ARCN1: variants seen among roughly 807,000 people sequenced by gnomAD.
ARCN1 encodes the protein coatomer subunit delta.
In ARCN1, 5 loss-of-function variants were observed where a neutral mutation model predicts 60.4. That is an observed-to-expected ratio of 0.08 (90% confidence interval 0.04 to 0.17). ARCN1 has a LOEUF of 0.17. Ranked by LOEUF, ARCN1 falls within the 10% of genes least tolerant of loss-of-function variation. ARCN1 has a pLI of 1.00. For synonymous variants in ARCN1, 224 were observed against 220.0 expected (o/e 1.02, Z -0.16); for missense variants, 464 against 626.5 (o/e 0.74, Z 2.77).
chr11:118,592,585 AAAAG>A, intron 6 of ARCN1, 120 bp from the exon 7 acceptor site: 1 of 648,836 alleles, frequency 1.5e-6, no homozygotes, highest in Non-Finnish European at 2.5e-6. Flanking sequence ...TTCAAAATGA[AAAAG>A]AATTGGAATT....
chr11:118,595,838 C>T (rs928187272), intron 8 of ARCN1, among the ~76,000 whole-genome samples: 6 of 152,156 alleles, frequency 3.9e-5, no homozygotes, highest in African/African-American at 9.7e-5. Flanking sequence ...GAGGCCGAGG[C>T]GGGCGGATCA....
intron 1 of ARCN1, among the ~76,000 whole-genome samples, chr11:118,580,190 G>A (rs550509533): frequency 2.0e-5 from 3 of 152,144 alleles, no homozygotes; most frequent in Non-Finnish European, 4.4e-5. Context: ...AGGCATGATG[G>A]CACCTGCCTA....
rs1938366592 is a variant in ARCN1, at chr11:118,572,496, C to T, written c.-52C>T. The stretch of plus-strand genomic sequence containing the variant: ...GGTGCTCCCGTTCCCCAGACCCTAC[C>T]CCTATCCCCAGTGGAGCCGGAGTGC... On this transcript the variant is annotated 5_prime_UTR_variant, in exon 1 of 10. Transcript: ENST00000264028. The T allele has an allele frequency of 2.5e-6, 4 of 1,607,584 alleles. No individual in the cohort carries two copies. Among genetic ancestry groups the T allele is most frequent in the African/African-American group, 1.3e-5 (1 of 74,736 alleles).
At position 118,597,813 on chromosome 11, in the gene ARCN1, A is replaced by G; in HGVS notation, c.1348A>G (p.Lys450Glu). The change falls in exon 9 of 10, where the codon AAG (lysine) becomes GAG (glutamate). Residue 450 changes from lysine (K) to glutamate (E), a missense_variant. Coordinates refer to ENST00000264028, the MANE Select transcript of ARCN1 (RefSeq NM_001655.5). ...CCTGCCTGTGATTGATGCCAAAAATAAGAGTGGCAGCCTGGAGTTTAGCAT... is the reference window on the plus strand; with the variant it reads ...CCTGCCTGTGATTGATGCCAAAAATGAGAGTGGCAGCCTGGAGTTTAGCAT... ...WCLPVIDAKN[K>E]SGSLEFSIAG... The G allele has an allele frequency of 6.2e-7, 1 of 1,614,206 alleles. No individual in the cohort carries two copies. Among genetic ancestry groups the G allele is most frequent in the Non-Finnish European group, 8.5e-7 (1 of 1,180,048 alleles).
chr11:118,574,936 T>C (rs1938452805), intron 1 of ARCN1, among the ~76,000 whole-genome samples: 1 of 152,110 alleles, frequency 6.6e-6, no homozygotes, highest in African/African-American at 2.4e-5. Flanking sequence ...TTGATCTTTT[T>C]TTTGTATTCT....
At position 118,600,588 on chromosome 11, in the gene ARCN1, C is replaced by T. The variant is rs372333128; in HGVS notation, c.1447-37C>T. 9 of 1,459,400 alleles carry T rather than the reference C, an allele frequency of 6.2e-6. No individual in the cohort carries two copies. The African/African-American group carries it at 1.3e-4, about 21-fold the overall frequency. 90.4% of individuals were successfully genotyped at this position (1,459,400 alleles called of 1,614,324 possible). ...GTAGTCAACATGATGGAGACTCAAACCTCCTGCTTTACCTTACTCTTTGTT... is the reference window on the plus strand; with the variant it reads ...GTAGTCAACATGATGGAGACTCAAATCTCCTGCTTTACCTTACTCTTTGTT... On this transcript the variant is annotated intron_variant, in intron 9 of 9. Coordinates refer to ENST00000264028, the MANE Select transcript of ARCN1 (RefSeq NM_001655.5).
chr11:118,572,483 C>T lies in ARCN1; in HGVS notation c.-65C>T, dbSNP rs1555072596. On this transcript the variant is annotated 5_prime_UTR_variant, in exon 1 of 10. Transcript: ENST00000264028. ...GTCCAGAGCTGCTGGTGCTCCCGTT[C>T]CCCAGACCCTACCCCTATCCCCAGT... 1 of 1,587,574 alleles carries T rather than the reference C, an allele frequency of 6.3e-7. No individual in the cohort carries two copies. Among genetic ancestry groups the T allele is most frequent in the African/African-American group, 1.3e-5 (1 of 74,166 alleles).
At chr11:118,580,186 G>A (rs1450594382) in intron 1 of ARCN1, among the ~76,000 whole-genome samples, 2 of 152,160 alleles carry the variant, frequency 1.3e-5, no homozygotes, top group East Asian at 3.8e-4. Context: ...TGCCAGGCAT[G>A]ATGGCACCTG....
chr11:118,579,790 T>A (rs1240812394), intron 1 of ARCN1, among the ~76,000 whole-genome samples: 1 of 151,402 alleles, frequency 6.6e-6, no homozygotes, highest in Non-Finnish European at 1.5e-5. Context: ...AATTTAGAAA[T>A]AATTACTTTT....
intron 3 of ARCN1, 85 bp from the exon 4 acceptor site, chr11:118,583,724 A>G: frequency 7.2e-7 from 1 of 1,396,500 alleles, no homozygotes; most frequent in Non-Finnish European, 9.9e-7. Context: ...TGCCACTTGC[A>G]CTCCAGCCTG....
chr11:118,572,933 T>G (rs1938384416), intron 1 of ARCN1: 2 of 255,966 alleles, frequency 7.8e-6, no homozygotes, highest in Admixed American at 5.4e-5. Flanking sequence ...CTCAGCAGGC[T>G]GGGCCTGTCT....
At chr11:118,582,895 G>C (rs1466409311) in intron 2 of ARCN1, among the ~76,000 whole-genome samples, 1 of 151,758 alleles carries the variant, frequency 6.6e-6, no homozygotes, top group East Asian at 2.0e-4. Context: ...ACAAAAATTA[G>C]CTGGGCGTGG....
chr11:118,575,405 A>G (rs1938469190), intron 1 of ARCN1, among the ~76,000 whole-genome samples: 1 of 139,726 alleles, frequency 7.2e-6, no homozygotes, highest in Non-Finnish European at 1.5e-5. Context: ...GCAGAAACTG[A>G]TAACGGGTGT....
chr11:118,588,701 A>G (rs1482092794), intron 5 of ARCN1, among the ~76,000 whole-genome samples: 2 of 152,156 alleles, frequency 1.3e-5, no homozygotes, highest in Non-Finnish European at 1.5e-5. Context: ...AGCCTGGGCA[A>G]CATAGCAAGA....
Position 118,583,275 on chromosome 11 carries a change from C to T in ARCN1, c.364C>T (p.Arg122Trp). 1.1e-5 allele frequency: 18 copies of T among 1,614,026 alleles called. No individual in the cohort carries two copies. The highest frequency in any genetic ancestry group is 2.2e-5 in the East Asian group (1 of 44,882). Residue 122 changes from arginine (R) to tryptophan (W), a missense_variant, in exon 3 of 10, where the codon CGG becomes TGG. Arg to Trp is a moderately radical substitution (Grantham distance 101). Transcript: ENST00000264028. ...AFDEIVALGYRENVNLAQIRT... is the reference protein window; with the variant it reads ...AFDEIVALGYWENVNLAQIRT... ...TGATGAAATTGTCGCACTGGGATAC[C>T]GGGAGAATGTTAACTTGGCACAGAT... is the stretch of plus-strand genomic sequence containing the variant.
intron 1 of ARCN1, among the ~76,000 whole-genome samples, chr11:118,576,251 T>C (rs938304322): frequency 6.6e-6 from 1 of 151,778 alleles, no homozygotes; most frequent in Non-Finnish European, 1.5e-5. Flanking sequence ...ACTCAAACCA[T>C]GTAAGAATTA....
chr11:118,574,881 C>T (rs1480715171), intron 1 of ARCN1, among the ~76,000 whole-genome samples: 7 of 152,160 alleles, frequency 4.6e-5, no homozygotes, highest in African/African-American at 1.7e-4. Flanking sequence ...ATCCTCCCGC[C>T]TCCATATCCC....
rs565897527 is a variant in ARCN1 at position 118,578,865 on chromosome 11, C to T, written c.4-2381C>T. ...TGTAGCCTGGGCAACATGGCAAAAC[C>T]CCGTCTCTCTTTTTTTTTTTTTTTT... On this transcript the variant is annotated intron_variant, in intron 1 of 9. Transcript: ENST00000264028. Among the ~76,000 whole-genome samples the T allele has an allele frequency of 8.0e-5, 10 of 125,294 alleles. No individual in the cohort carries two copies. In the East Asian group the frequency reaches 2.3e-3, roughly 29 times the overall value. 82.2% of individuals were successfully genotyped at this position (125,294 alleles called of 152,430 possible). A position where few individuals can be genotyped will look rare whatever the true frequency, so the allele number is the denominator to read the frequency against.
intron 1 of ARCN1, among the ~76,000 whole-genome samples, chr11:118,576,694 A>G (rs1291291556): frequency 2.0e-5 from 3 of 152,274 alleles, no homozygotes; most frequent in South Asian, 4.1e-4. Flanking sequence ...AGTAGCTGTA[A>G]CAGAGAGACC....
Sources: allele counts gnomAD v4.1 joint callset (sites outside exome capture counted in the v4.1 genomes callset), GRCh38; gene constraint gnomAD v4.1.1; transcripts MANE v1.5; gene names NCBI Gene and HGNC (gene_info 2026-07-23, HGNC 2026-07-21).